Variants in B3GALT5 observed in about 807,000 individuals in gnomAD.
The protein encoded by B3GALT5 is UDP-Gal:betaGlcNAc beta 1,3-galactosyltransferase, polypeptide 5.
For missense variants in B3GALT5, 328 were observed against 396.6 expected, an observed-to-expected ratio of 0.83 and a Z score of 1.47; for synonymous variants, 156 against 158.6, an observed-to-expected ratio of 0.98 and a Z score of 0.12.
At chr21:39,613,494 A>G (rs1264860301) in intron 1 of B3GALT5, among the ~76,000 whole-genome samples, 1 of 152,198 alleles carries the variant, frequency 6.6e-6, no homozygotes, top group Non-Finnish European at 1.5e-5. Context: ...GGGTTGTGGA[A>G]GGGGCTGATG....
chr21:39,615,368 A>G lies in B3GALT5; in HGVS notation c.-392+2301A>G, dbSNP rs1176524469. The stretch of plus-strand genomic sequence containing the variant: ...ATTTATAGAGATTTTGAGAACTAAC[A>G]TGGCCTTCAGTTGAAAACCAGAATT... On this transcript the variant is annotated intron_variant, in intron 1 of 3. Coordinates refer to ENST00000684187, the MANE Select transcript of B3GALT5 (RefSeq NM_001356336.2). Among the ~76,000 whole-genome samples, 10 of 152,228 alleles carry G rather than the reference A, an allele frequency of 6.6e-5. No homozygotes were observed. The East Asian group carries it at 9.6e-4, about 15-fold the overall frequency.
At chr21:39,657,885 T>C in intron 2 of B3GALT5, 1 of 1,231,730 alleles carries the variant, frequency 8.1e-7, no homozygotes, top group Non-Finnish European at 1.0e-6. Context: ...GGTCTAGATG[T>C]GTTTGGAGGT....
chr21:39,657,773 CG>C (rs1317343517), intron 2 of B3GALT5: 2 of 982,898 alleles, frequency 2.0e-6, no homozygotes, highest in East Asian at 6.6e-5. Context: ...CCTGTTGATT[CG>C]ATCTCTCTAG....
chr21:39,615,335 G>A (rs951838222), intron 1 of B3GALT5, among the ~76,000 whole-genome samples: 2 of 152,306 alleles, frequency 1.3e-5, no homozygotes, highest in East Asian at 1.9e-4. Flanking sequence ...GAAGGGGTGG[G>A]TAAGATGATT....
At chr21:39,652,638 A>G (rs2079406713) in intron 2 of B3GALT5, among the ~76,000 whole-genome samples, 1 of 152,244 alleles carries the variant, frequency 6.6e-6, no homozygotes, top group Non-Finnish European at 1.5e-5. Flanking sequence ...CAGCTGATTT[A>G]TAATGGAAAA....
chr21:39,624,590 A>C (rs1275982463), intron 1 of B3GALT5, among the ~76,000 whole-genome samples: 1 of 152,148 alleles, frequency 6.6e-6, no homozygotes, highest in Admixed American at 6.5e-5. Context: ...GAGGAAATTG[A>C]ATGAGGCAAA....
rs2079577170 is a variant in B3GALT5, at chr21:39,666,232, A to T, written c.*4740A>T. 1.3e-5 allele frequency: 2 copies of T among 152,256 alleles called. No individual in the cohort carries two copies. The highest frequency in any genetic ancestry group is 6.5e-5 in the Admixed American group (1 of 15,284). The allele number at this position is 152,256 out of a possible 1,614,324, so 9.4% of individuals were successfully genotyped here. A position where few individuals can be genotyped will look rare whatever the true frequency, so the allele number is the denominator to read the frequency against. ...CAGGGTGGACAGAATCACACGGTGC[A>T]GTCTGTGCGCCTGTCCTCCAGCCCG... On this transcript the variant is annotated 3_prime_UTR_variant, in exon 4 of 4. Coordinates refer to ENST00000684187, the MANE Select transcript of B3GALT5 (RefSeq NM_001356336.2).
chr21:39,646,858 T>C (rs1265095234), intron 2 of B3GALT5, among the ~76,000 whole-genome samples: 1 of 152,142 alleles, frequency 6.6e-6, no homozygotes, highest in African/African-American at 2.4e-5. Context: ...TTCAGCACTT[T>C]GGGAGACGGA....
rs2079506432 is a variant in B3GALT5, at chr21:39,660,723, C to T, written c.164C>T (p.Thr55Ile). ...LKLPDTDCRQ[T>I]PPFLVLLVTS... Reference sequence around the variant, plus strand: ...CTCCCAGATACAGACTGCAGGCAGACACCTCCCTTCCTCGTCCTGCTGGTG... The same window carrying T: ...CTCCCAGATACAGACTGCAGGCAGATACCTCCCTTCCTCGTCCTGCTGGTG... Residue 55 changes from threonine to isoleucine, a missense_variant, in exon 4 of 4, where the codon ACA (threonine) becomes ATA (isoleucine). Physicochemically the swap from Thr to Ile is moderately conservative, Grantham distance 89. Coordinates refer to ENST00000684187, the MANE Select transcript of B3GALT5 (RefSeq NM_001356336.2). 4 of 1,552,220 alleles carry T rather than the reference C, an allele frequency of 2.6e-6. No individual in the cohort carries two copies. The highest frequency in any genetic ancestry group is 3.5e-6 in the Non-Finnish European group (4 of 1,151,978).
intron 1 of B3GALT5, among the ~76,000 whole-genome samples, chr21:39,614,118 G>A (rs2079095310): frequency 6.6e-6 from 1 of 152,092 alleles, no homozygotes; most frequent in South Asian, 2.1e-4. Flanking sequence ...CTTCGGAGGG[G>A]CATTTCTAGG....
chr21:39,658,895 G>A (rs1168891440), intron 2 of B3GALT5, among the ~76,000 whole-genome samples: 1 of 152,126 alleles, frequency 6.6e-6, no homozygotes, highest in Non-Finnish European at 1.5e-5. Context: ...GCGAATATAT[G>A]TAGAACAGAA....
chr21:39,616,461 C>G (rs2123680432), intron 1 of B3GALT5, among the ~76,000 whole-genome samples: 1 of 152,230 alleles, frequency 6.6e-6, no homozygotes, highest in East Asian at 1.9e-4. Context: ...TAATCCACTG[C>G]TGGGAGTATA....
intron 1 of B3GALT5, among the ~76,000 whole-genome samples, chr21:39,614,279 A>G (rs186818021): frequency 6.6e-6 from 1 of 152,154 alleles, no homozygotes; most frequent in Admixed American, 6.5e-5. Flanking sequence ...CTTGTTTCCT[A>G]TCTCCTTTCA....
chr21:39,638,129 G>A (rs2079242254), intron 1 of B3GALT5, among the ~76,000 whole-genome samples: 2 of 152,152 alleles, frequency 1.3e-5, no homozygotes, highest in South Asian at 4.1e-4. Flanking sequence ...AAGGGGGAAG[G>A]GCGTGGTCCC....
intron 1 of B3GALT5, among the ~76,000 whole-genome samples, chr21:39,625,369 A>G (rs1250288531): frequency 2.0e-5 from 3 of 152,000 alleles, no homozygotes; most frequent in African/African-American, 7.3e-5. Context: ...CCCGGCTGCA[A>G]CCCCACTCGG....
chr21:39,661,093 G>T lies in B3GALT5; in HGVS notation c.534G>T (p.Arg178Ser), dbSNP rs2079515485. ...ELLLKKNRTT[R>S]FFTGFLKLNE... ...TTCTGAAGAAAAACAGAACAACCAG[G>T]TTTTTCACTGGCTTCTTGAAACTCA... The change falls in exon 4 of 4, where the codon AGG becomes AGT. Residue 178 changes from arginine (R) to serine (S), a missense_variant. By Grantham distance (110) the Arg-to-Ser change is moderately radical. Coordinates refer to ENST00000684187, the MANE Select transcript of B3GALT5 (RefSeq NM_001356336.2). The surrounding 1 kb of genome is among the most constrained non-coding windows in gnomAD (Gnocchi z 4.7). 2.5e-6 allele frequency: 4 copies of T among 1,614,152 alleles called. No homozygotes were observed. In the South Asian group the frequency reaches 3.3e-5, roughly 13 times the overall value.
At position 39,670,826 on chromosome 21, in the gene B3GALT5, A is replaced by G. The variant is rs1180859766; in HGVS notation, c.*9334A>G. 1 of 152,180 alleles carries G rather than the reference A, an allele frequency of 6.6e-6. No homozygotes were observed. The highest frequency in any genetic ancestry group is 1.5e-5 in the Non-Finnish European group (1 of 68,030). The allele number at this position is 152,180 out of a possible 1,614,324, so 9.4% of individuals were successfully genotyped here. A position where few individuals can be genotyped will look rare whatever the true frequency, so the allele number is the denominator to read the frequency against. ...TTAAATCAGGCTTGTTAATTATTTA[A>G]TCTAACAGCTGCCATGCACCCTCAT... On this transcript the variant is annotated 3_prime_UTR_variant, in exon 4 of 4. Transcript: ENST00000684187.
At chr21:39,624,637 A>C (rs1416264673) in intron 1 of B3GALT5, among the ~76,000 whole-genome samples, 2 of 152,184 alleles carry the variant, frequency 1.3e-5, no homozygotes, top group Non-Finnish European at 2.9e-5. Flanking sequence ...GGAGGTGCTG[A>C]TGGAAGGATG....
chr21:39,657,667 G>C (rs73217203), intron 2 of B3GALT5: 2 of 245,932 alleles, frequency 8.1e-6, no homozygotes, highest in Non-Finnish European at 7.4e-6. Context: ...CTATCTGTCT[G>C]TCTATCTATC....
Sources: gnomAD v4.1 joint callset for allele counts (sites outside exome capture counted in the v4.1 genomes callset) on GRCh38, gnomAD v4.1.1 for gene constraint, Gnocchi (gnomAD v3.1) non-coding constraint, MANE v1.5 for transcripts, NCBI Gene and HGNC (gene_info 2026-07-23, HGNC 2026-07-21) for gene names.